Variants in SEL1L3 observed in about 807,000 individuals in gnomAD.
SEL1L3 encodes protein sel-1 homolog 3.
SEL1L3 carries 76 observed loss-of-function variants against 142.8 expected under a neutral mutation model. That is an observed-to-expected ratio of 0.53 (90% CI 0.44 to 0.64). The LOEUF is 0.64. SEL1L3 is among the 30% of genes least tolerant of loss of function. The pLI, the probability that SEL1L3 is intolerant of heterozygous loss-of-function variation, is 0.00. For synonymous variants in SEL1L3, 504 were observed against 519.6 expected, an observed-to-expected ratio of 0.97 and a Z score of 0.41; for missense variants, 1,262 against 1,381.7, an observed-to-expected ratio of 0.91 and a Z score of 1.37.
intron 5 of SEL1L3, among the ~76,000 whole-genome samples, chr4:25,830,376 A>G (rs1020913829): frequency 1.3e-5 from 2 of 152,238 alleles, no homozygotes; most frequent in African/African-American, 2.4e-5. Flanking sequence ...AATATCTACA[A>G]TGCAGTTTCC....
At chr4:25,730,738 T>A in the SEL1L3 span, among the ~76,000 whole-genome samples, 2 of 152,212 alleles carry the variant, frequency 1.3e-5, no homozygotes, top group African/African-American at 4.8e-5. Flanking sequence ...TGTTAAAAGA[T>A]TCCTCTACGG....
At chr4:25,733,061 T>A in the SEL1L3 span, among the ~76,000 whole-genome samples, 1 of 138,070 alleles carries the variant, frequency 7.2e-6, no homozygotes, top group Non-Finnish European at 1.6e-5. Flanking sequence ...TCTAACTTTG[T>A]TATTTTTTTT....
At chr4:25,852,283 C>A (rs1307321024) in intron 1 of SEL1L3, among the ~76,000 whole-genome samples, 1 of 152,164 alleles carries the variant, frequency 6.6e-6, no homozygotes, top group Non-Finnish European at 1.5e-5. Context: ...AACCTGGCTC[C>A]TTTTCTAGCC....
intron 9 of SEL1L3, among the ~76,000 whole-genome samples, chr4:25,809,011 T>C (rs1251443924): frequency 7.0e-6 from 1 of 143,104 alleles, no homozygotes; most frequent in Non-Finnish European, 1.5e-5. Context: ...AGGCAGAGCT[T>C]GCAGTGAGCC....
At chr4:25,790,988 ATATC>A (rs1712295440) in intron 11 of SEL1L3, among the ~76,000 whole-genome samples, 2 of 152,366 alleles carry the variant, frequency 1.3e-5, no homozygotes, top group South Asian at 4.1e-4. Flanking sequence ...CACATCTTCT[ATATC>A]TAAACGGTTG....
chr4:25,831,514 ATTATTATTATT>A (rs1560340121), intron 5 of SEL1L3, among the ~76,000 whole-genome samples: 40 of 89,952 alleles, frequency 4.4e-4, no homozygotes, highest in African/African-American at 1.1e-3. Context: ...AATAATAATT[ATTATTATTATT>A]ATTATTATTA....
chr4:25,768,073 T>C (rs1382413186), intron 17 of SEL1L3, among the ~76,000 whole-genome samples: 1 of 152,220 alleles, frequency 6.6e-6, no homozygotes, highest in Non-Finnish European at 1.5e-5. Context: ...CTACCTCTAC[T>C]GGCTGAAGGG....
chr4:25,856,633 A>C (rs953790939), intron 1 of SEL1L3, among the ~76,000 whole-genome samples: 1 of 151,914 alleles, frequency 6.6e-6, no homozygotes, highest in Non-Finnish European at 1.5e-5. Flanking sequence ...GGGCCAGTTA[A>C]TGTGTGTTCA....
At chr4:25,834,536 A>G (rs1381928884) in intron 3 of SEL1L3, among the ~76,000 whole-genome samples, 4 of 152,222 alleles carry the variant, frequency 2.6e-5, no homozygotes, top group Non-Finnish European at 5.9e-5. Context: ...TGGCCTCAAA[A>G]TCAGTGGTAT....
At chr4:25,835,504 C>T (rs1039084021) in intron 2 of SEL1L3, among the ~76,000 whole-genome samples, 181 bp from the exon 3 acceptor site, 18 of 152,204 alleles carry the variant, frequency 1.2e-4, no homozygotes, top group Non-Finnish European at 2.5e-4. Flanking sequence ...TTACAGAGAC[C>T]ATGTCAATTA....
chr4:25,811,759 T>TG (rs1165796632), intron 9 of SEL1L3, among the ~76,000 whole-genome samples: 3 of 149,434 alleles, frequency 2.0e-5, no homozygotes, highest in African/African-American at 7.6e-5. Flanking sequence ...TTTTTTTTTT[T>TG]TTTTTTTGTT....
chr4:25,765,765 T>C (rs1236580442), intron 19 of SEL1L3, among the ~76,000 whole-genome samples: 1 of 151,758 alleles, frequency 6.6e-6, no homozygotes. Flanking sequence ...CAGCCTCCCA[T>C]GTAGCTGGGA....
At chr4:25,853,682 T>C (rs1280356022) in intron 1 of SEL1L3, among the ~76,000 whole-genome samples, 2 of 143,856 alleles carry the variant, frequency 1.4e-5, no homozygotes, top group African/African-American at 5.2e-5. Context: ...TTTTTTTTTT[T>C]TTTTTTTGAG....
chr4:25,738,369 G>C, the SEL1L3 span, among the ~76,000 whole-genome samples: 1 of 152,094 alleles, frequency 6.6e-6, no homozygotes, highest in Admixed American at 6.6e-5. Context: ...AGTGTTTGCT[G>C]TCTGCTTTAC....
At chr4:25,786,538 G>A (rs902003083) in intron 13 of SEL1L3, among the ~76,000 whole-genome samples, 12 of 152,174 alleles carry the variant, frequency 7.9e-5, no homozygotes, top group African/African-American at 2.9e-4. Context: ...GATAATGTCT[G>A]ATTTGTGCCT....
intron 23 of SEL1L3, chr4:25,755,973 A>G (rs1370614025): frequency 2.3e-5 from 23 of 985,412 alleles, no homozygotes; most frequent in Non-Finnish European, 2.8e-5. Context: ...CCAGCAGACT[A>G]TGGGGCATCA....
intron 9 of SEL1L3, among the ~76,000 whole-genome samples, chr4:25,816,548 G>A (rs1253394973): frequency 2.0e-5 from 3 of 152,062 alleles, no homozygotes; most frequent in Non-Finnish European, 2.9e-5. Flanking sequence ...CTCCTCAAGG[G>A]ACCATGGCAA....
chr4:25,718,238 G>A, the SEL1L3 span: 2 of 152,150 alleles, frequency 1.3e-5, no homozygotes, highest in Non-Finnish European at 2.9e-5. Flanking sequence ...TATACAGGGA[G>A]GAAAGGGCTG....
rs1414444897 is a variant in SEL1L3, at chr4:25,822,054, A to G, written c.1232T>C (p.Ile411Thr). The change falls in exon 7 of 24, where the codon ATT becomes ACT. Residue 411 changes from isoleucine to threonine, a missense_variant. By Grantham distance (89) the Ile-to-Thr change is moderately conservative. Coordinates refer to ENST00000399878, the MANE Select transcript of SEL1L3 (RefSeq NM_015187.5). Reference sequence around the variant, plus strand: ...CTTCAGGGGTCCAAAAAACCCTTCAATGCCAGCCACATACCTGCTCCCTCC... The same window carrying G: ...CTTCAGGGGTCCAAAAAACCCTTCAGTGCCAGCCACATACCTGCTCCCTCC... ...IIGGSRYVAG[I>T]EGFFGPLKYY... The G allele has an allele frequency of 6.2e-7, 1 of 1,613,872 alleles. No individual in the cohort carries two copies. The highest frequency in any genetic ancestry group is 1.3e-5 in the African/African-American group (1 of 74,900).
Sources: gnomAD v4.1 joint callset for allele counts (sites outside exome capture counted in the v4.1 genomes callset) on GRCh38, gnomAD v4.1.1 for gene constraint, MANE v1.5 for transcripts, NCBI Gene and HGNC (gene_info 2026-07-23, HGNC 2026-07-21) for gene names.